KCNN3: variants seen among roughly 807,000 people sequenced by gnomAD.
The protein encoded by KCNN3 is potassium calcium-activated channel subfamily N member 3.
In KCNN3, 16 loss-of-function variants were observed where a neutral mutation model predicts 62.9. That is an observed-to-expected ratio of 0.25 (90% CI 0.17 to 0.39). The LOEUF is 0.39. Ranked by LOEUF, KCNN3 falls within the 10% of genes least tolerant of loss-of-function variation. KCNN3 has a pLI of 1.00. For missense variants in KCNN3, 599 were observed against 949.4 expected (o/e 0.63, Z 4.85); for synonymous variants, 370 against 389.2 (o/e 0.95, Z 0.58).
chr1:154,785,307 A>T (rs530458443), intron 2 of KCNN3, among the ~76,000 whole-genome samples: 7 of 152,268 alleles, frequency 4.6e-5, no homozygotes, highest in Admixed American at 4.6e-4. Flanking sequence ...TAGCAACTAA[A>T]AATAAATAGG....
intron 1 of KCNN3, among the ~76,000 whole-genome samples, chr1:154,866,075 T>TGGA (rs1423318786): frequency 6.6e-6 from 1 of 152,108 alleles, no homozygotes; most frequent in Non-Finnish European, 1.5e-5. Context: ...ACCCAGACCA[T>TGGA]GGAGGAGTAG....
intron 3 of KCNN3, among the ~76,000 whole-genome samples, chr1:154,747,069 C>G (rs1288458743): frequency 1.3e-5 from 2 of 152,186 alleles, no homozygotes; most frequent in African/African-American, 4.8e-5. Flanking sequence ...TATTCGTGGG[C>G]AGTCCCACCA....
At chr1:154,714,169 ATGTGTGG>A (rs1245907650) in intron 6 of KCNN3, among the ~76,000 whole-genome samples, 796 of 35,888 alleles carry the variant, frequency 0.022, 10 homozygotes, top group African/African-American at 0.081. Flanking sequence ...GGTGTGTGTG[ATGTGTGG>A]TGTGTGGTGT....
chr1:154,833,769 C>A (rs1288496451), intron 1 of KCNN3, among the ~76,000 whole-genome samples: 2 of 152,214 alleles, frequency 1.3e-5, no homozygotes, highest in Admixed American at 6.5e-5. Flanking sequence ...CCTCTCTCCA[C>A]CCCTCTGCAG....
chr1:154,760,927 G>C (rs1243822758), intron 3 of KCNN3, among the ~76,000 whole-genome samples: 1 of 152,376 alleles, frequency 6.6e-6, no homozygotes, highest in East Asian at 1.9e-4. Context: ...CGACGGGTCG[G>C]AAGAGAGCCC....
rs1275822430 is a variant in KCNN3 at position 154,706,882 on chromosome 1, T to C, written c.*1094A>G. 1.3e-5 allele frequency: 2 copies of C among 152,230 alleles called. No homozygotes were observed. The highest frequency in any genetic ancestry group is 2.9e-5 in the Non-Finnish European group (2 of 68,026). The allele number at this position is 152,230 out of a possible 1,614,324, so 9.4% of individuals were successfully genotyped here. ...ATATTTCTATTCACTAAGGTGTTAT[T>C]GGATTGCTCCTGTTTGTGCATGTCT... On this transcript the variant is annotated 3_prime_UTR_variant, in exon 8 of 8. Coordinates refer to ENST00000271915, the MANE Select transcript of KCNN3 (RefSeq NM_002249.6).
chr1:154,803,038 G>A (rs1388127597), intron 2 of KCNN3, among the ~76,000 whole-genome samples: 1 of 152,208 alleles, frequency 6.6e-6, no homozygotes, highest in Non-Finnish European at 1.5e-5. Flanking sequence ...TGTGCCAAGT[G>A]CCTTATGTTA....
At chr1:154,734,281 C>T (rs1043764745) in intron 3 of KCNN3, among the ~76,000 whole-genome samples, 2 of 152,172 alleles carry the variant, frequency 1.3e-5, no homozygotes, top group Non-Finnish European at 2.9e-5. Flanking sequence ...TAGGGCTTCA[C>T]CTCTTGATAA....
chr1:154,847,038 ACCC>A (rs1212096484), intron 1 of KCNN3, among the ~76,000 whole-genome samples: 1 of 145,576 alleles, frequency 6.9e-6, no homozygotes, highest in Non-Finnish European at 1.5e-5. Context: ...CTGACCCCTC[ACCC>A]CCCTCCCTGA....
chr1:154,860,975 G>A (rs182992551), intron 1 of KCNN3, among the ~76,000 whole-genome samples: 195 of 70,268 alleles, frequency 2.8e-3, no homozygotes, highest in African/African-American at 9.0e-3. Flanking sequence ...TTTTTTTTGA[G>A]ATGGAGTCTC....
rs1463698061 is a variant in KCNN3 at position 154,733,039 on chromosome 1, G to A, written c.1554C>T (p.Tyr518=). Residue 518 remains tyrosine (Y), a synonymous_variant, in exon 4 of 8, where the codon TAC becomes TAT. Coordinates refer to ENST00000271915, the MANE Select transcript of KCNN3 (RefSeq NM_002249.6). The part of the protein sequence containing the change: ...IGYGDMVPHT[Y]CGKGVCLLTG... The stretch of plus-strand genomic sequence containing the variant: ...TGAGGAGACAGACACCTTTCCCACA[G>A]TATGTGTGGGGCACCATGTCCCCAT... The A allele has an allele frequency of 6.2e-7, 1 of 1,613,770 alleles. No homozygotes were observed. The highest frequency in any genetic ancestry group is 1.7e-5 in the Admixed American group (1 of 60,026).
chr1:154,725,878 T>C (rs548119667), intron 5 of KCNN3, 38 bp downstream of exon 5: 5 of 1,528,604 alleles, frequency 3.3e-6, no homozygotes, highest in Admixed American at 1.7e-5. Context: ...CACTGTGGCC[T>C]TAAGTCCCCC....
At chr1:154,770,863 C>A (rs1428998161) in intron 3 of KCNN3, among the ~76,000 whole-genome samples, 1 of 152,110 alleles carries the variant, frequency 6.6e-6, no homozygotes, top group African/African-American at 2.4e-5. Context: ...TCAAGACCAG[C>A]CTGGCCAACA....
chr1:154,754,672 G>A (rs1043533413), intron 3 of KCNN3, among the ~76,000 whole-genome samples: 3 of 152,152 alleles, frequency 2.0e-5, no homozygotes, highest in South Asian at 2.1e-4. Context: ...AAGAAGCCAC[G>A]TACCAACGAT....
chr1:154,758,997 A>G (rs1433614853), intron 3 of KCNN3, among the ~76,000 whole-genome samples: 1 of 152,080 alleles, frequency 6.6e-6, no homozygotes, highest in Non-Finnish European at 1.5e-5. Context: ...TAATAGAGAC[A>G]GCGTTTCGCC....
At chr1:154,720,985 C>A (rs944130618) in intron 5 of KCNN3, among the ~76,000 whole-genome samples, 1 of 152,106 alleles carries the variant, frequency 6.6e-6, no homozygotes, top group Admixed American at 6.5e-5. Context: ...TTAGGCCTGG[C>A]GTCTGGAAGA....
intron 4 of KCNN3, among the ~76,000 whole-genome samples, chr1:154,730,874 G>C (rs1302297999): frequency 6.6e-6 from 1 of 152,102 alleles, no homozygotes; most frequent in Admixed American, 6.5e-5. Context: ...ACAGCAAAAG[G>C]GGGTGCTGAA....
At chr1:154,867,970 C>G in intron 1 of KCNN3, 1 of 985,328 alleles carries the variant, frequency 1.0e-6, no homozygotes, top group African/African-American at 1.7e-5. Context: ...TCCACTCCCT[C>G]TGGGAGGGAA....
At chr1:154,834,607 G>A (rs1651509554) in intron 1 of KCNN3, among the ~76,000 whole-genome samples, 1 of 152,098 alleles carries the variant, frequency 6.6e-6, no homozygotes, top group Admixed American at 6.5e-5. Context: ...TTGCCTCTAG[G>A]AACTCTCCAC....
Sources: allele counts gnomAD v4.1 joint callset (sites outside exome capture counted in the v4.1 genomes callset), GRCh38; gene constraint gnomAD v4.1.1; transcripts MANE v1.5; gene names NCBI Gene and HGNC (gene_info 2026-07-23, HGNC 2026-07-21).